The following RYR2 variants were observed in gnomAD, a reference collection of about 807,000 sequenced individuals.
RYR2 encodes ryanodine receptor 2.
In RYR2, 227 loss-of-function variants were observed where a neutral mutation model predicts 601.1. The observed-to-expected ratio is 0.38, with a 90% CI of 0.34 to 0.42. The LOEUF (loss-of-function observed/expected upper bound fraction) is 0.42, where lower values mean the gene tolerates loss of function less well. RYR2 is among the 10% of genes least tolerant of loss of function. The pLI, the probability that RYR2 is intolerant of heterozygous loss-of-function variation, is 1.00. For synonymous variants in RYR2, 2,223 were observed against 2,175.1 expected (o/e 1.02, Z -0.61); for missense variants, 4,646 against 6,156.5 (o/e 0.75, Z 8.21).
chr1:237,134,708 A>G (rs1291015283), intron 1 of RYR2, among the ~76,000 whole-genome samples: 1 of 152,208 alleles, frequency 6.6e-6, no homozygotes, highest in Non-Finnish European at 1.5e-5. Context: ...GGTGAAATAG[A>G]ATTTAATACT....
chr1:237,601,941 T>C (rs140307652), intron 34 of RYR2, 84 bp from the exon 35 acceptor site: 4 of 1,091,736 alleles, frequency 3.7e-6, no homozygotes, highest in Middle Eastern at 2.4e-4. Flanking sequence ...TTCTGTAAAG[T>C]ATTCCTTTGT....
intron 8 of RYR2, among the ~76,000 whole-genome samples, chr1:237,386,717 A>G (rs1701981925): frequency 6.6e-6 from 1 of 152,252 alleles, no homozygotes; most frequent in Non-Finnish European, 1.5e-5. Context: ...GAAATGTGCT[A>G]GTATCTGAAT....
At chr1:237,170,042 A>C (rs1452442278) in intron 1 of RYR2, among the ~76,000 whole-genome samples, 1 of 152,290 alleles carries the variant, frequency 6.6e-6, no homozygotes, top group South Asian at 2.1e-4. Flanking sequence ...TCTCCCTTGA[A>C]GTTTATTTTG....
intron 3 of RYR2, among the ~76,000 whole-genome samples, chr1:237,336,230 A>G (rs2149591378): frequency 6.6e-6 from 1 of 152,282 alleles, no homozygotes; most frequent in Non-Finnish European, 1.5e-5. Flanking sequence ...GTAATATTAA[A>G]ACTATTAATA....
At chr1:237,246,859 T>C (rs1004664579) in intron 1 of RYR2, among the ~76,000 whole-genome samples, 2 of 152,196 alleles carry the variant, frequency 1.3e-5, no homozygotes, top group Non-Finnish European at 2.9e-5. Flanking sequence ...ATCTATAGGA[T>C]TACATGACTT....
intron 8 of RYR2, among the ~76,000 whole-genome samples, chr1:237,381,284 T>C (rs1166557591): frequency 1.4e-5 from 2 of 144,552 alleles, no homozygotes; most frequent in Admixed American, 6.9e-5. Flanking sequence ...AAAGAATGCT[T>C]AAAGAAACAG....
At chr1:237,453,761 T>A (rs185322374) in intron 14 of RYR2, among the ~76,000 whole-genome samples, 116 of 152,288 alleles carry the variant, frequency 7.6e-4, no homozygotes, top group African/African-American at 2.6e-3. Context: ...CTCAGTAAGC[T>A]CAACAAATGA....
intron 1 of RYR2, among the ~76,000 whole-genome samples, chr1:237,264,694 T>C (rs12240042): frequency 0.12 from 17,315 of 142,662 alleles, 1,704 homozygotes; most frequent in African/African-American, 0.28. Context: ...TTTATTATTA[T>C]TATTATTTTT....
intron 83 of RYR2, among the ~76,000 whole-genome samples, chr1:237,760,190 T>TAA: frequency 8.0e-6 from 1 of 124,668 alleles, no homozygotes; most frequent in Non-Finnish European, 1.7e-5. Context: ...ACAAAAAGAT[T>TAA]AAAAAAAAAA....
intron 21 of RYR2, among the ~76,000 whole-genome samples, chr1:237,502,842 AAAAAG>A (rs1213197835): frequency 5.3e-5 from 8 of 152,216 alleles, no homozygotes; most frequent in Admixed American, 1.3e-4. Flanking sequence ...CTAAAAAAAA[AAAAAG>A]AAAAGAAAAG....
intron 5 of RYR2, among the ~76,000 whole-genome samples, chr1:237,366,429 T>C (rs957886530): frequency 7.9e-5 from 12 of 151,990 alleles, no homozygotes; most frequent in African/African-American, 2.7e-4. Flanking sequence ...AGAGACAGGG[T>C]TTTGCTCTGT....
chr1:237,529,302 T>C (rs1667884019), intron 24 of RYR2, among the ~76,000 whole-genome samples: 1 of 152,184 alleles, frequency 6.6e-6, no homozygotes, highest in Non-Finnish European at 1.5e-5. Flanking sequence ...TCCCATAGTT[T>C]TGCAATTTAA....
At chr1:237,185,459 G>A (rs763694587) in intron 1 of RYR2, among the ~76,000 whole-genome samples, 7 of 151,984 alleles carry the variant, frequency 4.6e-5, no homozygotes, top group South Asian at 2.1e-4. Context: ...TTTCCTGCAC[G>A]TGCTACTTTG....
At position 237,042,211 on chromosome 1, in the gene RYR2, G is replaced by T; in HGVS notation, c.-311G>T. On this transcript the variant is annotated 5_prime_UTR_variant, in exon 1 of 105. Transcript: ENST00000366574. ...TTGCTCGGAGGAGCCGGGGCCGAGC[G>T]GACCGCCGGCTGCAGGCAGCGAGCG... 6.3e-6 allele frequency: 1 copy of T among 159,328 alleles called. No individual in the cohort carries two copies. Among genetic ancestry groups the T allele is most frequent in the Non-Finnish European group, 1.4e-5 (1 of 72,990 alleles). 9.9% of individuals were successfully genotyped at this position (159,328 alleles called of 1,614,324 possible). A position where few individuals can be genotyped will look rare whatever the true frequency, so the allele number is the denominator to read the frequency against.
At chr1:237,535,111 T>C (rs1212463179) in intron 25 of RYR2, among the ~76,000 whole-genome samples, 1 of 151,804 alleles carries the variant, frequency 6.6e-6, no homozygotes, top group Non-Finnish European at 1.5e-5. Context: ...AAAAGGAAAA[T>C]ATTTCATATT....
chr1:237,499,031 T>C (rs1031784192), intron 20 of RYR2, among the ~76,000 whole-genome samples: 3 of 152,154 alleles, frequency 2.0e-5, no homozygotes, highest in African/African-American at 2.4e-5. Context: ...AAGCTCGAAT[T>C]CATAGTAACA....
chr1:237,324,736 T>G (rs534651554), intron 2 of RYR2, among the ~76,000 whole-genome samples: 34 of 152,358 alleles, frequency 2.2e-4, no homozygotes, highest in African/African-American at 7.5e-4. Context: ...CCATGAGATC[T>G]GAATTCCATG....
intron 64 of RYR2, 124 bp downstream of exon 64, chr1:237,699,149 G>A (rs1687744424): frequency 1.9e-6 from 1 of 516,358 alleles, no homozygotes; most frequent in East Asian, 3.2e-5. Flanking sequence ...AGTCTTTAGT[G>A]TAGGTGAAAA....
intron 24 of RYR2, among the ~76,000 whole-genome samples, chr1:237,517,494 A>G (rs1302579196): frequency 6.6e-6 from 1 of 152,224 alleles, no homozygotes; most frequent in Admixed American, 6.5e-5. Context: ...CTGATGAACT[A>G]AAACACAAAT....
Sources: gnomAD v4.1 joint callset for allele counts (sites outside exome capture counted in the v4.1 genomes callset) on GRCh38, gnomAD v4.1.1 for gene constraint, MANE v1.5 for transcripts, NCBI Gene and HGNC (gene_info 2026-07-23, HGNC 2026-07-21) for gene names.